Variants in AOPEP observed in about 807,000 individuals in gnomAD.
AOPEP encodes aminopeptidase O.
In AOPEP, 77 loss-of-function variants were observed where a neutral mutation model predicts 98.1. The observed-to-expected ratio is 0.78, with a 90% CI of 0.65 to 0.95. The LOEUF (loss-of-function observed/expected upper bound fraction) is 0.95. AOPEP is among the 40% of genes least tolerant of loss of function. The probability of loss-of-function intolerance (pLI) is 0.00; values close to 1 mark genes in which losing one functional copy is unlikely to be tolerated. For missense variants in AOPEP, 1,024 were observed against 1,024.7 expected (o/e 1.00, Z 0.01); for synonymous variants, 346 against 365.3 (o/e 0.95, Z 0.60).
chr9:94,970,880 C>T (rs896423477), intron 10 of AOPEP, among the ~76,000 whole-genome samples: 6 of 151,916 alleles, frequency 3.9e-5, no homozygotes, highest in African/African-American at 1.5e-4. Flanking sequence ...GGAACTAAAA[C>T]CGAGAAAAAA....
At chr9:94,869,826 C>G (rs1309360347) in intron 5 of AOPEP, among the ~76,000 whole-genome samples, 1 of 152,050 alleles carries the variant, frequency 6.6e-6, no homozygotes, top group African/African-American at 2.4e-5. Context: ...TCTCATTATA[C>G]TCATTACTTT....
At chr9:94,729,670 G>T (rs1395069086) in intron 1 of AOPEP, among the ~76,000 whole-genome samples, 1 of 152,094 alleles carries the variant, frequency 6.6e-6, no homozygotes, top group Non-Finnish European at 1.5e-5. Context: ...GGGCTGTCCT[G>T]TGCATTGTAG....
chr9:95,011,239 C>T (rs1311410182), intron 13 of AOPEP, among the ~76,000 whole-genome samples: 3 of 135,596 alleles, frequency 2.2e-5, no homozygotes, highest in Non-Finnish European at 3.1e-5. Context: ...TTTTTTGATA[C>T]GAAGTCTCAC....
chr9:95,080,198 G>C (rs2069581916), intron 14 of AOPEP, among the ~76,000 whole-genome samples: 2 of 152,186 alleles, frequency 1.3e-5, no homozygotes, highest in African/African-American at 4.8e-5. Flanking sequence ...CTCTAAAGTT[G>C]ACCAACAGCC....
At chr9:94,750,409 C>T (rs979222348) in intron 1 of AOPEP, among the ~76,000 whole-genome samples, 1 of 151,980 alleles carries the variant, frequency 6.6e-6, no homozygotes, top group African/African-American at 2.4e-5. Context: ...CATGGTGAAA[C>T]CCTGTCTCTA....
chr9:94,775,983 A>G (rs1287604262), intron 3 of AOPEP, among the ~76,000 whole-genome samples: 1 of 140,754 alleles, frequency 7.1e-6, no homozygotes, highest in Non-Finnish European at 1.5e-5. Context: ...CATCTCAAAA[A>G]TAAATAAATA....
At chr9:95,126,904 C>T in the AOPEP span, 114 of 338,310 alleles carry the variant, frequency 3.4e-4, 1 homozygote, top group South Asian at 2.2e-3. Flanking sequence ...GCCCGCATGC[C>T]GTGGAGCCTG....
the AOPEP span, among the ~76,000 whole-genome samples, chr9:95,104,601 T>C: frequency 1.3e-5 from 2 of 152,162 alleles, no homozygotes; most frequent in African/African-American, 4.8e-5. Context: ...CGATCTGCTT[T>C]GAATGTGGAC....
chr9:95,110,803 T>C, the AOPEP span: 19 of 1,126,634 alleles, frequency 1.7e-5, no homozygotes, highest in African/African-American at 2.8e-4. Flanking sequence ...GAGGTGCCAA[T>C]GCCTTTAATC....
At chr9:95,095,760 G>A in the AOPEP span, among the ~76,000 whole-genome samples, 6 of 151,348 alleles carry the variant, frequency 4.0e-5, no homozygotes, top group South Asian at 6.3e-4. Flanking sequence ...CCCCCTCTTC[G>A]TGAGATCGGC....
chr9:94,960,878 G>T (rs1460968722), intron 9 of AOPEP, among the ~76,000 whole-genome samples: 1 of 152,046 alleles, frequency 6.6e-6, no homozygotes, highest in Non-Finnish European at 1.5e-5. Context: ...CGGGCGCGGT[G>T]GGGGGCGCCT....
At chr9:95,060,030 C>T (rs2067191477) in intron 13 of AOPEP, among the ~76,000 whole-genome samples, 2 of 152,216 alleles carry the variant, frequency 1.3e-5, no homozygotes, top group African/African-American at 4.8e-5. Flanking sequence ...TATCTCCTGT[C>T]TTTGCCCTTA....
At chr9:95,047,853 A>G (rs1196418152) in intron 13 of AOPEP, among the ~76,000 whole-genome samples, 1 of 152,244 alleles carries the variant, frequency 6.6e-6, no homozygotes, top group Admixed American at 6.5e-5. Context: ...CTGTCCTTGC[A>G]TACAGAAAAC....
intron 13 of AOPEP, among the ~76,000 whole-genome samples, chr9:95,046,869 T>C (rs1386576993): frequency 3.3e-5 from 5 of 152,258 alleles, no homozygotes; most frequent in African/African-American, 1.2e-4. Flanking sequence ...AAGGTAGACA[T>C]ATTAGCATTT....
chr9:94,813,816 A>G (rs896414557), intron 5 of AOPEP, among the ~76,000 whole-genome samples: 1 of 152,346 alleles, frequency 6.6e-6, no homozygotes, highest in Middle Eastern at 3.4e-3. Context: ...CAGACAACCA[A>G]GAACATTTCA....
intron 14 of AOPEP, among the ~76,000 whole-genome samples, chr9:95,065,663 G>A (rs2067811868): frequency 6.6e-6 from 1 of 152,224 alleles, no homozygotes; most frequent in Non-Finnish European, 1.5e-5. Flanking sequence ...TCAGAGTAGT[G>A]TGTGCAATTA....
At chr9:95,059,900 G>A (rs1387741523) in intron 13 of AOPEP, among the ~76,000 whole-genome samples, 1 of 152,176 alleles carries the variant, frequency 6.6e-6, no homozygotes, top group Non-Finnish European at 1.5e-5. Flanking sequence ...GATCTCACAG[G>A]GCCACCAGGC....
intron 7 of AOPEP, among the ~76,000 whole-genome samples, chr9:94,936,884 A>C (rs1024332202): frequency 2.0e-5 from 3 of 152,190 alleles, no homozygotes; most frequent in African/African-American, 7.2e-5. Context: ...CCTTTATTAT[A>C]AAGATATTAC....
chr9:95,014,245 T>C (rs1353816181), intron 13 of AOPEP, among the ~76,000 whole-genome samples: 3 of 151,952 alleles, frequency 2.0e-5, no homozygotes, highest in African/African-American at 7.3e-5. Flanking sequence ...GGTGGATGGA[T>C]GGCTTGAGTC....
Sources: allele counts gnomAD v4.1 joint callset (sites outside exome capture counted in the v4.1 genomes callset), GRCh38; gene constraint gnomAD v4.1.1; transcripts MANE v1.5; gene names NCBI Gene and HGNC (gene_info 2026-07-23, HGNC 2026-07-21).